The following CHD2 variants were observed in gnomAD, a reference collection of about 807,000 sequenced individuals.
CHD2 encodes ATP-dependent chromatin remodeler CHD2.
A neutral mutation model predicts 243.9 loss-of-function variants in CHD2; 28 were observed. The ratio of observed to expected loss-of-function variants is 0.11; its 90% confidence interval spans 0.09 to 0.16. The LOEUF (loss-of-function observed/expected upper bound fraction) is 0.16, where lower values mean the gene tolerates loss of function less well. CHD2 is among the 10% of genes least tolerant of loss of function. CHD2 has a pLI of 1.00. For synonymous variants in CHD2, 775 were observed against 779.0 expected (o/e 0.99, Z 0.09); for missense variants, 1,386 against 2,209.8 (o/e 0.63, Z 7.47).
intron 5 of CHD2, among the ~76,000 whole-genome samples, chr15:92,934,060 G>A (rs1388035107): frequency 6.6e-6 from 1 of 152,022 alleles, no homozygotes; most frequent in Non-Finnish European, 1.5e-5. Context: ...AACAAAAGTA[G>A]CTACTTCCCT....
In CHD2 at chr15:92,932,971, G is replaced by T. The variant is rs184325471; in HGVS notation, c.443+3880G>T. Among the ~76,000 whole-genome samples, 49 of 151,510 alleles carry T rather than the reference G, an allele frequency of 3.2e-4. 2 individuals are homozygous for T. The East Asian group carries it at 9.1e-3, about 28-fold the overall frequency. ...TTGCCCAGGCTGGTCTTGAACTCCT[G>T]ACCTCAGGTGATCCACCCGCCTCAG... is the stretch of plus-strand genomic sequence containing the variant. On this transcript the variant is annotated intron_variant, in intron 5 of 38. Transcript: ENST00000394196.
chr15:92,965,072 G>A (rs921859520), intron 16 of CHD2, among the ~76,000 whole-genome samples: 1 of 152,110 alleles, frequency 6.6e-6, no homozygotes, highest in African/African-American at 2.4e-5. Context: ...AAGCTATAAA[G>A]ATCAGAATTT....
chr15:92,995,955 A>G (rs961444963), intron 28 of CHD2, among the ~76,000 whole-genome samples: 1 of 152,140 alleles, frequency 6.6e-6, no homozygotes, highest in African/African-American at 2.4e-5. Context: ...TTTTTCTTTT[A>G]ACGAACAAGG....
intron 36 of CHD2, 77 bp from the exon 37 acceptor site, chr15:93,014,619 G>A: frequency 1.5e-6 from 2 of 1,295,838 alleles, no homozygotes; most frequent in Non-Finnish European, 2.2e-6. Flanking sequence ...GAGCTGTTTA[G>A]AGGTGATAGC....
At chr15:92,907,325 A>G (rs1299495832) in intron 2 of CHD2, among the ~76,000 whole-genome samples, 4 of 152,150 alleles carry the variant, frequency 2.6e-5, no homozygotes, top group Non-Finnish European at 4.4e-5. Flanking sequence ...TGGTATTTCA[A>G]CATGTTCTGG....
chr15:92,954,441 T>G (rs1456870229), intron 14 of CHD2: 1 of 152,260 alleles, frequency 6.6e-6, no homozygotes, highest in Non-Finnish European at 1.5e-5. Flanking sequence ...TTTAAATATT[T>G]GAGTTGCATG....
intron 17 of CHD2, among the ~76,000 whole-genome samples, chr15:92,967,844 T>C (rs942101441): frequency 2.0e-5 from 3 of 152,152 alleles, no homozygotes; most frequent in Non-Finnish European, 4.4e-5. Flanking sequence ...CTAAAAAATT[T>C]TAATAATTCC....
chr15:92,975,011 C>G, intron 20 of CHD2, 61 bp downstream of exon 20: 2 of 1,356,930 alleles, frequency 1.5e-6, no homozygotes, highest in Non-Finnish European at 2.1e-6. Context: ...GGGAAAGTCT[C>G]TCTCGCTTAA....
Position 92,901,171 on chromosome 15 carries a change from T to C in CHD2, c.-67T>C. The C allele has an allele frequency of 1.1e-6, 1 of 915,982 alleles. No homozygotes were observed. The highest frequency in any genetic ancestry group is 1.4e-5 in the South Asian group (1 of 72,732). The allele number at this position is 915,982 out of a possible 1,614,324, so 56.7% of individuals were successfully genotyped here. A position where few individuals can be genotyped will look rare whatever the true frequency, so the allele number is the denominator to read the frequency against. On this transcript the variant is annotated 5_prime_UTR_variant, in exon 2 of 39. Transcript: ENST00000394196. ...CTTTCTTTCAACTTTTGACAGTAAA[T>C]ACCTGGGCACAGGACTTCAAAGCAA...
At chr15:92,913,033 GT>G in intron 2 of CHD2, among the ~76,000 whole-genome samples, 1 of 152,298 alleles carries the variant, frequency 6.6e-6, no homozygotes, top group South Asian at 2.1e-4. Flanking sequence ...TTATATAGAC[GT>G]TTAAATCCTT....
At chr15:92,992,362 C>T (rs1314524135) in intron 27 of CHD2, among the ~76,000 whole-genome samples, 1 of 152,138 alleles carries the variant, frequency 6.6e-6, no homozygotes, top group East Asian at 1.9e-4. Flanking sequence ...GGCTTGACAC[C>T]TTTTGACAGC....
intron 16 of CHD2, among the ~76,000 whole-genome samples, chr15:92,960,013 T>G (rs1364288840): frequency 6.6e-6 from 1 of 152,218 alleles, no homozygotes; most frequent in Non-Finnish European, 1.5e-5. Context: ...TCATGGAAAG[T>G]TTTTCTCCAT....
intron 2 of CHD2, among the ~76,000 whole-genome samples, chr15:92,911,317 G>A (rs1432346992): frequency 6.6e-6 from 1 of 152,090 alleles, no homozygotes; most frequent in African/African-American, 2.4e-5. Context: ...TATGCTTATC[G>A]CTATTTGCTA....
chr15:92,907,063 A>G (rs2052636942), intron 2 of CHD2, among the ~76,000 whole-genome samples: 2 of 152,210 alleles, frequency 1.3e-5, no homozygotes, highest in African/African-American at 2.4e-5. Context: ...GCTGGAACAC[A>G]TTACTCACAT....
intron 38 of CHD2, among the ~76,000 whole-genome samples, chr15:93,023,858 G>A (rs1567168301): frequency 6.7e-6 from 1 of 150,288 alleles, no homozygotes; most frequent in Non-Finnish European, 1.5e-5. Flanking sequence ...TTTGAGTTGG[G>A]TTGTTTTTGT....
chr15:92,949,128 T>C (rs1262174110), intron 13 of CHD2, 52 bp downstream of exon 13: 1 of 1,581,936 alleles, frequency 6.3e-7, no homozygotes, highest in East Asian at 2.2e-5. Context: ...GGCTTCTTTA[T>C]TGTTAGATGT....
chr15:92,991,639 T>A, intron 27 of CHD2, 122 bp downstream of exon 27: 1 of 637,168 alleles, frequency 1.6e-6, no homozygotes, highest in Non-Finnish European at 2.6e-6. Flanking sequence ...TCTGGAAACA[T>A]TTATTTACAA....
At position 92,955,509 on chromosome 15, in the gene CHD2, T is replaced by C. The variant is rs758633574; in HGVS notation, c.1806T>C (p.Asp602=). The change falls in exon 15 of 39, where the codon GAT becomes GAC. Residue 602 remains aspartate (D), a synonymous_variant. Transcript: ENST00000394196. ...LITTYEILLK[D]KTVLGSINWA... is the part of the protein sequence containing the mutation. ...CAACATATGAGATCCTCTTGAAAGA[T>C]AAGGTGTGTAATTAATATCTAAAAG... 1.9e-6 allele frequency: 3 copies of C among 1,583,910 alleles called. No homozygotes were observed. Among genetic ancestry groups the C allele is most frequent in the Non-Finnish European group, 2.6e-6 (3 of 1,166,640 alleles).
chr15:92,996,457 C>T (rs1167141151), intron 28 of CHD2, among the ~76,000 whole-genome samples: 1 of 151,954 alleles, frequency 6.6e-6, no homozygotes, highest in Non-Finnish European at 1.5e-5. Context: ...ACCGCGCCCG[C>T]CTGGGTTAGT....
Sources: gnomAD v4.1 joint callset for allele counts (sites outside exome capture counted in the v4.1 genomes callset) on GRCh38, gnomAD v4.1.1 for gene constraint, MANE v1.5 for transcripts, NCBI Gene and HGNC (gene_info 2026-07-23, HGNC 2026-07-21) for gene names.